B3GALT1: variants seen among roughly 807,000 people sequenced by gnomAD.
The protein encoded by B3GALT1 is UDP-Gal:betaGlcNAc beta 1,3-galactosyltransferase, polypeptide 1.
B3GALT1 carries 10 observed loss-of-function variants against 23.2 expected under a neutral mutation model. The observed-to-expected ratio is 0.43, with a 90% CI of 0.27 to 0.73. The LOEUF is 0.73. B3GALT1 is among the 30% of genes least tolerant of loss of function. B3GALT1 has a pLI of 0.21. For synonymous variants in B3GALT1, 156 were observed against 141.5 expected (o/e 1.10, Z -0.73); for missense variants, 299 against 405.4 (o/e 0.74, Z 2.25).
chr2:167,293,816 C>T (rs1696299200), intron 1 of B3GALT1, among the ~76,000 whole-genome samples: 1 of 151,972 alleles, frequency 6.6e-6, no homozygotes, highest in Non-Finnish European at 1.5e-5. Flanking sequence ...AGGGGAGAGG[C>T]GCGTTCCACG....
At chr2:167,545,896 A>AATGAGTT (rs1283414135) in intron 2 of B3GALT1, among the ~76,000 whole-genome samples, 4 of 152,196 alleles carry the variant, frequency 2.6e-5, no homozygotes, top group African/African-American at 9.6e-5. Flanking sequence ...GCATATACGT[A>AATGAGTT]ATGAGTTATC....
chr2:167,358,143 C>G (rs906534918), intron 1 of B3GALT1, among the ~76,000 whole-genome samples: 3 of 152,112 alleles, frequency 2.0e-5, no homozygotes, highest in Non-Finnish European at 4.4e-5. Flanking sequence ...ATTCTTGGAA[C>G]CAGAGTTCAG....
At chr2:167,480,593 TA>T (rs71031290) in intron 1 of B3GALT1, among the ~76,000 whole-genome samples, 65,982 of 151,842 alleles carry the variant, frequency 0.43, 16,219 homozygotes, top group East Asian at 0.83. Context: ...TTGTGAGTGC[TA>T]AAAAAACAAA....
chr2:167,518,664 C>A (rs1700138142), intron 2 of B3GALT1, among the ~76,000 whole-genome samples: 1 of 152,152 alleles, frequency 6.6e-6, no homozygotes, highest in Non-Finnish European at 1.5e-5. Flanking sequence ...AAATCCAGAA[C>A]CAAGTCTCGG....
intron 2 of B3GALT1, among the ~76,000 whole-genome samples, chr2:167,534,127 C>T (rs1162756865): frequency 1.3e-5 from 2 of 152,030 alleles, no homozygotes; most frequent in Non-Finnish European, 2.9e-5. Context: ...TTTTATTAAT[C>T]TTGTTCAAAG....
At chr2:167,659,295 T>C (rs1008486544) in intron 3 of B3GALT1, among the ~76,000 whole-genome samples, 26 of 152,056 alleles carry the variant, frequency 1.7e-4, no homozygotes, top group African/African-American at 6.3e-4. Context: ...TGTTACCCTT[T>C]GTCAGTAGTT....
intron 3 of B3GALT1, among the ~76,000 whole-genome samples, chr2:167,690,248 T>C (rs1187724170): frequency 1.3e-5 from 2 of 151,950 alleles, no homozygotes; most frequent in African/African-American, 4.8e-5. Flanking sequence ...AATATGAACA[T>C]TTATAAACAT....
At chr2:167,358,151 C>T (rs1697444113) in intron 1 of B3GALT1, among the ~76,000 whole-genome samples, 1 of 152,134 alleles carries the variant, frequency 6.6e-6, no homozygotes, top group Non-Finnish European at 1.5e-5. Context: ...AACCAGAGTT[C>T]AGATGGCCAG....
intron 4 of B3GALT1, among the ~76,000 whole-genome samples, chr2:167,860,687 C>T (rs1434779261): frequency 1.3e-5 from 2 of 152,144 alleles, no homozygotes; most frequent in African/African-American, 4.8e-5. Flanking sequence ...TTCTCCAAAA[C>T]CAAGCCAGTA....
chr2:167,490,431 A>G (rs1171439133), intron 2 of B3GALT1, among the ~76,000 whole-genome samples, 154 bp downstream of exon 2: 3 of 152,234 alleles, frequency 2.0e-5, no homozygotes, highest in Non-Finnish European at 4.4e-5. Context: ...GTGAAATATG[A>G]TCAGAAATAA....
chr2:167,507,011 T>A (rs919886408), intron 2 of B3GALT1, among the ~76,000 whole-genome samples: 32 of 152,046 alleles, frequency 2.1e-4, no homozygotes, highest in African/African-American at 5.6e-4. Context: ...AAATGGAGAA[T>A]CATTAAAAGT....
chr2:167,374,976 T>C (rs1172063370), intron 1 of B3GALT1, among the ~76,000 whole-genome samples: 6 of 152,196 alleles, frequency 3.9e-5, no homozygotes, highest in Non-Finnish European at 7.3e-5. Context: ...AGGTCTTAAA[T>C]TTAAATCTTT....
At chr2:167,660,401 TTAAGA>T (rs1374498953) in intron 3 of B3GALT1, among the ~76,000 whole-genome samples, 1 of 152,048 alleles carries the variant, frequency 6.6e-6, no homozygotes, top group Admixed American at 6.6e-5. Flanking sequence ...TTTAATGCAG[TTAAGA>T]TAAGTTCAAA....
At chr2:167,404,890 C>T (rs529531300) in intron 1 of B3GALT1, among the ~76,000 whole-genome samples, 1 of 152,264 alleles carries the variant, frequency 6.6e-6, no homozygotes, top group East Asian at 1.9e-4. Context: ...TGGGTTGTGG[C>T]AGCTAAAGGG....
intron 3 of B3GALT1, among the ~76,000 whole-genome samples, chr2:167,770,527 C>T (rs1424367827): frequency 6.6e-6 from 1 of 152,148 alleles, no homozygotes; most frequent in African/African-American, 2.4e-5. Flanking sequence ...AGTCGTTTCT[C>T]AGATGTATGA....
chr2:167,371,221 C>A (rs909638347), intron 1 of B3GALT1, among the ~76,000 whole-genome samples: 1 of 151,716 alleles, frequency 6.6e-6, no homozygotes, highest in Non-Finnish European at 1.5e-5. Context: ...ATCCCCAATG[C>A]CTTGTCGTAC....
At chr2:167,440,985 C>A (rs988217986) in intron 1 of B3GALT1, among the ~76,000 whole-genome samples, 5 of 151,852 alleles carry the variant, frequency 3.3e-5, no homozygotes, top group Non-Finnish European at 7.4e-5. Flanking sequence ...TATGGTTATT[C>A]ATTTGATATT....
At chr2:167,730,560 G>C (rs1687395525) in intron 3 of B3GALT1, among the ~76,000 whole-genome samples, 1 of 152,160 alleles carries the variant, frequency 6.6e-6, no homozygotes, top group Non-Finnish European at 1.5e-5. Context: ...TTTGTCAAAA[G>C]CTACACAGCT....
At chr2:167,743,217 G>T (rs1032716847) in intron 3 of B3GALT1, among the ~76,000 whole-genome samples, 1 of 151,890 alleles carries the variant, frequency 6.6e-6, no homozygotes, top group African/African-American at 2.4e-5. Flanking sequence ...ATATATCCTG[G>T]CATGCATGAA....
Sources: gnomAD v4.1 joint callset for allele counts (sites outside exome capture counted in the v4.1 genomes callset) on GRCh38, gnomAD v4.1.1 for gene constraint, MANE v1.5 for transcripts, NCBI Gene and HGNC (gene_info 2026-07-23, HGNC 2026-07-21) for gene names.